The following STPG4 variants were observed in gnomAD, a reference collection of about 807,000 sequenced individuals.
The protein encoded by STPG4 is protein STPG4.
In STPG4, 41 loss-of-function variants were observed where a neutral mutation model predicts 31.5. The ratio of observed to expected loss-of-function variants is 1.30; its 90% confidence interval spans 1.01 to 1.69. STPG4 has a LOEUF of 1.69. Among genes scored for constraint, STPG4 ranks in the 40% most tolerant of loss-of-function variants. The pLI is 0.00. For missense variants in STPG4, 375 were observed against 293.4 expected, an observed-to-expected ratio of 1.28 and a Z score of -2.03; for synonymous variants, 141 against 103.0, an observed-to-expected ratio of 1.37 and a Z score of -2.24.
At chr2:47,129,402 T>G (rs1015332488) in intron 5 of STPG4, 1 of 153,474 alleles carries the variant, frequency 6.5e-6, no homozygotes, top group African/African-American at 2.4e-5. Context: ...TCAAGCTTAT[T>G]TAGGACCTCA....
intron 3 of STPG4, among the ~76,000 whole-genome samples, chr2:47,143,012 G>T (rs1218090456): frequency 6.6e-6 from 1 of 151,556 alleles, no homozygotes; most frequent in Non-Finnish European, 1.5e-5. Flanking sequence ...TAATTTTTTT[G>T]TATTTTTAGT....
intron 5 of STPG4, among the ~76,000 whole-genome samples, chr2:47,110,988 G>A (rs974120167): frequency 1.3e-5 from 2 of 152,134 alleles, no homozygotes; most frequent in Admixed American, 1.3e-4. Context: ...CCACATTTGA[G>A]CAAATTATCC....
At chr2:47,111,246 A>G (rs1046450215) in intron 5 of STPG4, among the ~76,000 whole-genome samples, 1 of 152,166 alleles carries the variant, frequency 6.6e-6, no homozygotes, top group Non-Finnish European at 1.5e-5. Context: ...CTTTAGAAAA[A>G]GAAAATCTTC....
intron 5 of STPG4, among the ~76,000 whole-genome samples, chr2:47,095,946 A>T (rs1354635500): frequency 6.6e-6 from 1 of 152,202 alleles, no homozygotes; most frequent in Non-Finnish European, 1.5e-5. Flanking sequence ...CTCTGGGACC[A>T]TGAGGATGGA....
chr2:47,104,579 C>T (rs1296950126), intron 5 of STPG4, among the ~76,000 whole-genome samples: 1 of 151,986 alleles, frequency 6.6e-6, no homozygotes, highest in Non-Finnish European at 1.5e-5. Flanking sequence ...TTTGAGGATC[C>T]CGCAGACCAC....
intron 5 of STPG4, chr2:47,128,845 T>A (rs1573182055): frequency 1.3e-5 from 2 of 152,228 alleles, no homozygotes; most frequent in Admixed American, 6.5e-5. Context: ...TCTCCTTTCC[T>A]CAAGCAGGAG....
intron 2 of STPG4, 144 bp from the exon 3 acceptor site, chr2:47,151,659 G>A (rs1198610201): frequency 1.5e-5 from 10 of 661,842 alleles, no homozygotes; most frequent in Non-Finnish European, 2.6e-5. Context: ...AAACACTCTT[G>A]ACAGAAGAGT....
At chr2:47,117,833 C>T (rs1203800978) in intron 5 of STPG4, among the ~76,000 whole-genome samples, 2 of 152,086 alleles carry the variant, frequency 1.3e-5, no homozygotes, top group Non-Finnish European at 2.9e-5. Flanking sequence ...CATTCTACTG[C>T]AAAGGGGTCA....
At chr2:47,125,395 TG>T (rs1459213388) in intron 5 of STPG4, among the ~76,000 whole-genome samples, 1 of 152,188 alleles carries the variant, frequency 6.6e-6, no homozygotes, top group Non-Finnish European at 1.5e-5. Context: ...CACTTCAGCC[TG>T]GGTGAAAAAG....
At chr2:47,152,587 C>A (rs1343478096) in intron 2 of STPG4, among the ~76,000 whole-genome samples, 2 of 152,160 alleles carry the variant, frequency 1.3e-5, no homozygotes, top group Non-Finnish European at 2.9e-5. Context: ...TATTAAGAAC[C>A]ATTTGCAGAA....
chr2:47,105,658 C>T (rs535349776), intron 5 of STPG4, among the ~76,000 whole-genome samples: 7 of 152,082 alleles, frequency 4.6e-5, no homozygotes, highest in East Asian at 1.9e-4. Flanking sequence ...GAATGGGATA[C>T]GAAGGGCAGG....
At chr2:47,100,133 C>T (rs1475856938) in intron 5 of STPG4, among the ~76,000 whole-genome samples, 1 of 152,124 alleles carries the variant, frequency 6.6e-6, no homozygotes, top group Non-Finnish European at 1.5e-5. Context: ...TGGTGCGGGA[C>T]TGGCAGGCAG....
chr2:47,089,096 A>T (rs995475462), intron 6 of STPG4, among the ~76,000 whole-genome samples: 14 of 152,208 alleles, frequency 9.2e-5, no homozygotes, highest in Admixed American at 2.6e-4. Flanking sequence ...TCAGTGCTCC[A>T]GTCACCACGC....
At chr2:47,091,389 T>C (rs866817913) in intron 5 of STPG4, among the ~76,000 whole-genome samples, 1 of 152,146 alleles carries the variant, frequency 6.6e-6, no homozygotes, top group African/African-American at 2.4e-5. Flanking sequence ...AGACAAATGA[T>C]GAGTCTTCAG....
chr2:47,143,220 G>C (rs1050962607), intron 3 of STPG4, among the ~76,000 whole-genome samples: 6 of 152,144 alleles, frequency 3.9e-5, no homozygotes, highest in Non-Finnish European at 7.3e-5. Flanking sequence ...TGTGCATTTA[G>C]AATGTTGCTA....
chr2:47,143,652 A>AT (rs926066561), intron 3 of STPG4, among the ~76,000 whole-genome samples: 5 of 150,894 alleles, frequency 3.3e-5, no homozygotes, highest in South Asian at 2.1e-4. Flanking sequence ...CGCCCGGCTA[A>AT]TTTTTTTTTG....
At chr2:47,144,263 G>A (rs535479969) in intron 3 of STPG4, among the ~76,000 whole-genome samples, 104 of 152,194 alleles carry the variant, frequency 6.8e-4, no homozygotes, top group Non-Finnish European at 9.1e-4. Context: ...TTTGGACAAT[G>A]CATCTCGAAA....
chr2:47,087,106 T>C lies in STPG4; in HGVS notation c.649A>G (p.Thr217Ala), dbSNP rs753193105. 3.9e-6 allele frequency: 6 copies of C among 1,551,712 alleles called. No homozygotes were observed. In the African/African-American group the frequency reaches 5.5e-5, roughly 14 times the overall value. Reference sequence around the variant, plus strand: ...TGCTTAGGGAATTGTCTTAAAGTTGTATATGCTCCTGGGCCTGGGGTTTTC... The same window carrying C: ...TGCTTAGGGAATTGTCTTAAAGTTGCATATGCTCCTGGGCCTGGGGTTTTC... ...CSKTPGPGAY[T>A]TLRQFPKQSP... The change falls in exon 7 of 7, where the codon ACA (threonine) becomes GCA (alanine). Residue 217 changes from threonine to alanine, a missense_variant. Thr to Ala is a moderately conservative substitution (Grantham distance 58). Transcript: ENST00000445927.
intron 5 of STPG4, among the ~76,000 whole-genome samples, chr2:47,126,153 T>C (rs1686360779): frequency 6.6e-6 from 1 of 152,210 alleles, no homozygotes; most frequent in Non-Finnish European, 1.5e-5. Context: ...AGTCAGGTAA[T>C]ATGATTCTTT....
Sources: allele counts gnomAD v4.1 joint callset (sites outside exome capture counted in the v4.1 genomes callset), GRCh38; gene constraint gnomAD v4.1.1; transcripts MANE v1.5; gene names NCBI Gene and HGNC (gene_info 2026-07-23, HGNC 2026-07-21).